Variants in VSNL1 observed in about 807,000 individuals in gnomAD.
VSNL1 encodes the protein visinin like 1, also known as visinin-like protein 1.
VSNL1 carries 6 observed loss-of-function variants against 20.4 expected under a neutral mutation model. The observed-to-expected ratio is 0.29, with a 90% CI of 0.16 to 0.58. The LOEUF is 0.58. Ranked by LOEUF, VSNL1 falls within the 20% of genes least tolerant of loss-of-function variation. VSNL1 has a pLI of 0.90. For synonymous variants in VSNL1, 93 were observed against 86.4 expected, an observed-to-expected ratio of 1.08 and a Z score of -0.42; for missense variants, 100 against 234.5, an observed-to-expected ratio of 0.43 and a Z score of 3.75.
intron 2 of VSNL1, among the ~76,000 whole-genome samples, chr2:17,616,861 T>C (rs919872100): frequency 2.0e-5 from 3 of 152,188 alleles, no homozygotes; most frequent in Non-Finnish European, 4.4e-5. Context: ...TGAACAGGCC[T>C]CAGGGGGTGA....
At chr2:17,652,497 G>A (rs537897294) in intron 3 of VSNL1, among the ~76,000 whole-genome samples, 1 of 152,286 alleles carries the variant, frequency 6.6e-6, no homozygotes, top group African/African-American at 2.4e-5. Context: ...GGAGTTGGTG[G>A]CAAAATCCTA....
chr2:17,652,382 T>C (rs1666140606), intron 3 of VSNL1, among the ~76,000 whole-genome samples: 1 of 152,194 alleles, frequency 6.6e-6, no homozygotes, highest in Non-Finnish European at 1.5e-5. Flanking sequence ...TGTGCAATCA[T>C]GTCAAATGCT....
chr2:17,577,245 C>A (rs1664236394), intron 1 of VSNL1, among the ~76,000 whole-genome samples: 1 of 152,230 alleles, frequency 6.6e-6, no homozygotes, highest in African/African-American at 2.4e-5. Context: ...ACATACATAG[C>A]TATTAACCTT....
At chr2:17,614,287 T>A (rs1236467980) in intron 2 of VSNL1, among the ~76,000 whole-genome samples, 1 of 152,238 alleles carries the variant, frequency 6.6e-6, no homozygotes, top group African/African-American at 2.4e-5. Flanking sequence ...TCATCCCCAG[T>A]TGGGGGAAAC....
At chr2:17,561,196 G>A (rs1310989007) in intron 1 of VSNL1, among the ~76,000 whole-genome samples, 1 of 152,112 alleles carries the variant, frequency 6.6e-6, no homozygotes, top group Non-Finnish European at 1.5e-5. Flanking sequence ...TGAAAAATGG[G>A]GTGAAGAATA....
chr2:17,544,978 T>C (rs1351509801), intron 1 of VSNL1, among the ~76,000 whole-genome samples: 2 of 152,100 alleles, frequency 1.3e-5, no homozygotes, highest in African/African-American at 2.4e-5. Context: ...ATCCCTCCAA[T>C]CCATTTTTAA....
At chr2:17,579,169 G>C (rs1418493975) in intron 1 of VSNL1, among the ~76,000 whole-genome samples, 1 of 151,434 alleles carries the variant, frequency 6.6e-6, no homozygotes, top group Non-Finnish European at 1.5e-5. Context: ...AAGCTGGAGT[G>C]CAGTGGTGCA....
chr2:17,600,186 T>C (rs1197263689), intron 2 of VSNL1, among the ~76,000 whole-genome samples: 1 of 152,226 alleles, frequency 6.6e-6, no homozygotes, highest in Non-Finnish European at 1.5e-5. Context: ...AGTGTGAATA[T>C]GGGAAAGTCC....
chr2:17,567,156 G>A lies in VSNL1; in HGVS notation c.-5-24914G>A, dbSNP rs180718859. On this transcript the variant is annotated intron_variant, in intron 1 of 3. Coordinates refer to ENST00000295156, the MANE Select transcript of VSNL1 (RefSeq NM_003385.5). The stretch of plus-strand genomic sequence containing the variant: ...GGGATTTTTATTAGAATTGAATTGA[G>A]TGTTTATACTAATGATAACAGAACT... Among the ~76,000 whole-genome samples, 390 of 152,146 alleles carry A rather than the reference G, an allele frequency of 2.6e-3. 1 individual carries two copies. The highest frequency in any genetic ancestry group is 9.1e-3 in the African/African-American group (378 of 41,522).
intron 2 of VSNL1, among the ~76,000 whole-genome samples, chr2:17,621,380 T>C (rs1665355355): frequency 6.6e-6 from 1 of 152,026 alleles, no homozygotes; most frequent in Admixed American, 6.5e-5. Context: ...TAGAGTGCAA[T>C]GACACAATCT....
chr2:17,650,478 T>C (rs1224570151), intron 3 of VSNL1, among the ~76,000 whole-genome samples: 2 of 152,210 alleles, frequency 1.3e-5, no homozygotes, highest in Admixed American at 6.5e-5. Flanking sequence ...AGGCATGCAA[T>C]AGCAGATGCA....
At chr2:17,639,788 C>T (rs779391738) in intron 2 of VSNL1, among the ~76,000 whole-genome samples, 3 of 152,192 alleles carry the variant, frequency 2.0e-5, no homozygotes, top group Non-Finnish European at 4.4e-5. Context: ...CTACCAGGGT[C>T]ATCCAAAGAA....
At chr2:17,636,081 T>C (rs1665742085) in intron 2 of VSNL1, among the ~76,000 whole-genome samples, 1 of 152,024 alleles carries the variant, frequency 6.6e-6, no homozygotes, top group South Asian at 2.1e-4. Context: ...CAGAGTAACA[T>C]TTTAGAATTA....
intron 1 of VSNL1, among the ~76,000 whole-genome samples, chr2:17,564,899 T>G (rs1288603848): frequency 1.3e-5 from 2 of 152,178 alleles, no homozygotes; most frequent in Non-Finnish European, 2.9e-5. Flanking sequence ...TAACCTGAAT[T>G]TCAATTTAGT....
chr2:17,637,671 G>A (rs778352113), intron 2 of VSNL1, among the ~76,000 whole-genome samples: 4 of 152,192 alleles, frequency 2.6e-5, no homozygotes, highest in Non-Finnish European at 4.4e-5. Flanking sequence ...ATCAGAGAGT[G>A]TGCGCTATGC....
intron 1 of VSNL1, among the ~76,000 whole-genome samples, chr2:17,565,287 G>A (rs1211878042): frequency 6.6e-6 from 1 of 151,998 alleles, no homozygotes; most frequent in African/African-American, 2.4e-5. Flanking sequence ...AAAATTCGGA[G>A]AATTATATAA....
At chr2:17,635,154 G>A (rs1043033575) in intron 2 of VSNL1, among the ~76,000 whole-genome samples, 2 of 152,130 alleles carry the variant, frequency 1.3e-5, no homozygotes, top group African/African-American at 4.8e-5. Context: ...AAAGGAGGAG[G>A]AGAAGGGTCC....
At chr2:17,550,446 G>A (rs1381342348) in intron 1 of VSNL1, among the ~76,000 whole-genome samples, 2 of 152,180 alleles carry the variant, frequency 1.3e-5, no homozygotes, top group Non-Finnish European at 2.9e-5. Context: ...TGAGCCCACA[G>A]CCATTTCTCA....
Position 17,625,145 on chromosome 2 carries a change from G to T in VSNL1, c.163-24265G>T, listed in dbSNP as rs150433482. 4.1e-3 allele frequency among the ~76,000 whole-genome samples: 626 copies of T among 152,292 alleles called. 6 individuals are homozygous for T. Among genetic ancestry groups the T allele is most frequent in the African/African-American group, 0.014 (580 of 41,536 alleles). On this transcript the variant is annotated intron_variant, in intron 2 of 3. Transcript: ENST00000295156. ...CTTCCTCATTCTCTCTTTGCCTGCTGCCATCCATGTAAGACAGGACTTGTT... is the reference window on the plus strand; with the variant it reads ...CTTCCTCATTCTCTCTTTGCCTGCTTCCATCCATGTAAGACAGGACTTGTT...
Sources: gnomAD v4.1 joint callset for allele counts (sites outside exome capture counted in the v4.1 genomes callset) on GRCh38, gnomAD v4.1.1 for gene constraint, MANE v1.5 for transcripts, NCBI Gene and HGNC (gene_info 2026-07-23, HGNC 2026-07-21) for gene names.